The following PPP1R9A variants were observed in gnomAD, a reference collection of about 807,000 sequenced individuals.
PPP1R9A encodes the protein protein phosphatase 1 regulatory subunit 9A, also known as neurabin-1.
PPP1R9A carries 59 observed loss-of-function variants against 141.9 expected under a neutral mutation model. That is an observed-to-expected ratio of 0.42 (90% CI 0.34 to 0.52). The LOEUF is 0.52. Among genes scored for constraint, PPP1R9A ranks in the 20% least tolerant of loss-of-function variants. The pLI, the probability that PPP1R9A is intolerant of heterozygous loss-of-function variation, is 0.10. For missense variants in PPP1R9A, 1,444 were observed against 1,611.9 expected (o/e 0.90, Z 1.78); for synonymous variants, 500 against 569.7 (o/e 0.88, Z 1.74).
chr7:95,173,527 TAA>T (rs1191263602), intron 5 of PPP1R9A, among the ~76,000 whole-genome samples: 2 of 151,960 alleles, frequency 1.3e-5, no homozygotes, highest in African/African-American at 4.8e-5. Flanking sequence ...CGTCAAAATT[TAA>T]AACATTTGTT....
At chr7:95,026,358 T>G (rs540743878) in intron 2 of PPP1R9A, among the ~76,000 whole-genome samples, 1 of 132,802 alleles carries the variant, frequency 7.5e-6, no homozygotes, top group Admixed American at 8.7e-5. Flanking sequence ...TGCTGGAGTT[T>G]GCTGGAGGTC....
chr7:94,993,423 T>C (rs1039745573), intron 2 of PPP1R9A, among the ~76,000 whole-genome samples: 1 of 152,196 alleles, frequency 6.6e-6, no homozygotes, highest in African/African-American at 2.4e-5. Flanking sequence ...AGCTTGTCAA[T>C]TTATACAAAA....
At chr7:95,036,848 G>C (rs903278333) in intron 2 of PPP1R9A, 1 of 152,146 alleles carries the variant, frequency 6.6e-6, no homozygotes, top group Non-Finnish European at 1.5e-5. Context: ...GGGCAGATAA[G>C]AGAATCCATA....
intron 5 of PPP1R9A, among the ~76,000 whole-genome samples, chr7:95,171,358 T>C (rs1157269551): frequency 2.0e-5 from 3 of 151,620 alleles, no homozygotes; most frequent in Non-Finnish European, 4.4e-5. Context: ...TGTGTCACGC[T>C]AGCATTAATC....
At chr7:95,155,007 T>A (rs1304826909) in intron 4 of PPP1R9A, 1 of 152,008 alleles carries the variant, frequency 6.6e-6, no homozygotes, top group African/African-American at 2.4e-5. Flanking sequence ...TATTAATGCA[T>A]GCATGGGGAT....
At chr7:95,076,803 C>A (rs1444731313) in intron 2 of PPP1R9A, among the ~76,000 whole-genome samples, 1 of 151,870 alleles carries the variant, frequency 6.6e-6, no homozygotes. Flanking sequence ...ATTTTATTTT[C>A]TCTCATTATT....
chr7:94,942,086 A>G (rs1286464476), intron 2 of PPP1R9A, among the ~76,000 whole-genome samples: 2 of 152,166 alleles, frequency 1.3e-5, no homozygotes, highest in African/African-American at 4.8e-5. Flanking sequence ...AGGTTAGGAA[A>G]AAAAAGAAAA....
At chr7:95,274,680 G>T (rs1301260668) in intron 16 of PPP1R9A, among the ~76,000 whole-genome samples, 6 of 152,160 alleles carry the variant, frequency 3.9e-5, no homozygotes, top group Non-Finnish European at 8.8e-5. Flanking sequence ...TTAGTCTTCA[G>T]TAAAGACCTT....
At chr7:95,106,305 C>T (rs1470236715) in intron 2 of PPP1R9A, among the ~76,000 whole-genome samples, 5 of 152,252 alleles carry the variant, frequency 3.3e-5, no homozygotes, top group East Asian at 3.9e-4. Context: ...AAGGAGACTG[C>T]GCCTTAGCAT....
chr7:95,203,869 T>C lies in PPP1R9A; in HGVS notation c.1956+139T>C, dbSNP rs549907345. Reference sequence around the variant, plus strand: ...GTGATGTGTTTTGTGCATTGAATAATAGTTTGAAAATAATCATTCAAAAAA... The same window carrying C: ...GTGATGTGTTTTGTGCATTGAATAACAGTTTGAAAATAATCATTCAAAAAA... On this transcript the variant is annotated intron_variant, in intron 7 of 19. Coordinates refer to ENST00000433360, the MANE Select transcript of PPP1R9A (RefSeq NM_001166160.2). 5 of 561,364 alleles carry C rather than the reference T, an allele frequency of 8.9e-6. No homozygotes were observed. In the Admixed American group the frequency reaches 2.0e-4, roughly 22 times the overall value. The allele number at this position is 561,364 out of a possible 1,614,324, so 34.8% of individuals were successfully genotyped here.
chr7:95,134,092 A>G (rs1304109851), intron 4 of PPP1R9A, among the ~76,000 whole-genome samples: 2 of 152,218 alleles, frequency 1.3e-5, no homozygotes, highest in Admixed American at 6.5e-5. Flanking sequence ...GATAGACTGG[A>G]TAAAGAAAAT....
chr7:94,937,728 A>G (rs929120384), intron 2 of PPP1R9A, among the ~76,000 whole-genome samples: 24 of 152,172 alleles, frequency 1.6e-4, no homozygotes, highest in Non-Finnish European at 1.5e-5. Flanking sequence ...TGAAAAGAAT[A>G]CAGGTTTTGG....
intron 2 of PPP1R9A, among the ~76,000 whole-genome samples, chr7:94,941,792 A>T (rs887545881): frequency 6.6e-6 from 1 of 152,124 alleles, no homozygotes; most frequent in African/African-American, 2.4e-5. Context: ...TTATGATTTG[A>T]TGATGAAAGT....
chr7:94,968,417 C>A (rs1033576773), intron 2 of PPP1R9A, among the ~76,000 whole-genome samples: 2 of 152,066 alleles, frequency 1.3e-5, no homozygotes, highest in Non-Finnish European at 2.9e-5. Context: ...CGTGATCCAC[C>A]CGCCTCGGCC....
chr7:95,060,274 C>G (rs922943274), intron 2 of PPP1R9A, among the ~76,000 whole-genome samples: 6 of 152,184 alleles, frequency 3.9e-5, no homozygotes, highest in East Asian at 1.9e-4. Flanking sequence ...CTTGAGTTGA[C>G]TGAACATCCT....
intron 16 of PPP1R9A, 35 bp downstream of exon 16, chr7:95,274,203 A>G (rs1305341199): frequency 3.4e-6 from 5 of 1,470,670 alleles, no homozygotes; most frequent in African/African-American, 1.4e-5. Flanking sequence ...GTGTATTTCT[A>G]TACCTAAACT....
chr7:95,094,202 C>T (rs771660740), intron 2 of PPP1R9A, among the ~76,000 whole-genome samples: 19 of 152,130 alleles, frequency 1.2e-4, no homozygotes, highest in South Asian at 4.1e-4. Flanking sequence ...GCCATGTATG[C>T]TGGAGCCAGA....
At chr7:95,208,587 G>A (rs1446898360) in intron 7 of PPP1R9A, among the ~76,000 whole-genome samples, 2 of 151,844 alleles carry the variant, frequency 1.3e-5, no homozygotes, top group Non-Finnish European at 2.9e-5. Context: ...AGCCGGGCAT[G>A]GTGGTGGGTG....
At chr7:95,168,181 G>T (rs964833076) in intron 5 of PPP1R9A, among the ~76,000 whole-genome samples, 2 of 152,070 alleles carry the variant, frequency 1.3e-5, no homozygotes, top group African/African-American at 4.8e-5. Flanking sequence ...CAAGATATTG[G>T]TATAAAAACA....
Sources: gnomAD v4.1 joint callset for allele counts (sites outside exome capture counted in the v4.1 genomes callset) on GRCh38, gnomAD v4.1.1 for gene constraint, MANE v1.5 for transcripts, NCBI Gene and HGNC (gene_info 2026-07-23, HGNC 2026-07-21) for gene names.